Variants in PCMTD1 observed in about 807,000 individuals in gnomAD.
PCMTD1 encodes the protein protein-L-isoaspartate (D-aspartate) O-methyltransferase domain containing 1.
A neutral mutation model predicts 37.6 loss-of-function variants in PCMTD1; 12 were observed. The observed-to-expected ratio is 0.32, with a 90% CI of 0.20 to 0.52. The LOEUF (loss-of-function observed/expected upper bound fraction) is 0.52. Ranked by LOEUF, PCMTD1 falls within the 20% of genes least tolerant of loss-of-function variation. The pLI, the probability that PCMTD1 is intolerant of heterozygous loss-of-function variation, is 0.97. For synonymous variants in PCMTD1, 117 were observed against 135.8 expected (o/e 0.86, Z 0.96); for missense variants, 235 against 421.3 (o/e 0.56, Z 3.87).
At chr8:51,827,321 T>C (rs2037934896) in intron 5 of PCMTD1, 20 of 1,222,072 alleles carry the variant, frequency 1.6e-5, no homozygotes, top group Non-Finnish European at 2.0e-5. Context: ...TATGCACAGT[T>C]TCACTTTCCA....
chr8:51,877,614 G>A (rs902590401), intron 1 of PCMTD1, among the ~76,000 whole-genome samples: 2 of 152,040 alleles, frequency 1.3e-5, no homozygotes, highest in South Asian at 2.1e-4. Context: ...TAATTACATG[G>A]GGAGGAAAGT....
intron 1 of PCMTD1, among the ~76,000 whole-genome samples, chr8:51,873,672 C>T (rs921233438): frequency 6.6e-6 from 1 of 151,992 alleles, no homozygotes; most frequent in Non-Finnish European, 1.5e-5. Context: ...AGTTCTCCTG[C>T]GATACGGTAT....
chr8:51,822,488 GTACT>G (rs1283687180), intron 5 of PCMTD1, among the ~76,000 whole-genome samples: 2 of 152,140 alleles, frequency 1.3e-5, no homozygotes, highest in East Asian at 3.9e-4. Context: ...ATTTTAAAGT[GTACT>G]TACTTTGTGT....
intron 2 of PCMTD1, among the ~76,000 whole-genome samples, chr8:51,857,820 A>G (rs2038413630): frequency 1.3e-5 from 2 of 152,176 alleles, no homozygotes; most frequent in Admixed American, 1.3e-4. Flanking sequence ...CTTTAATCCT[A>G]AGAAATTTTC....
chr8:51,828,773 A>ACG (rs2037958432), intron 5 of PCMTD1, among the ~76,000 whole-genome samples: 1 of 152,206 alleles, frequency 6.6e-6, no homozygotes, highest in Non-Finnish European at 1.5e-5. Flanking sequence ...ATGCATACAC[A>ACG]GCCAAGTGAT....
intron 3 of PCMTD1, chr8:51,839,574 T>G: frequency 1.0e-6 from 1 of 985,380 alleles, no homozygotes; most frequent in Non-Finnish European, 1.2e-6. Flanking sequence ...TGCTAGGAGA[T>G]CAGGGTGACC....
intron 1 of PCMTD1, 48 bp downstream of exon 1, chr8:51,898,882 G>A: frequency 7.9e-7 from 1 of 1,267,918 alleles, no homozygotes; most frequent in Non-Finnish European, 9.9e-7. Flanking sequence ...CTAGCACGCG[G>A]GACTCGCACA....
chr8:51,843,643 T>C (rs1015143070), intron 3 of PCMTD1, among the ~76,000 whole-genome samples: 5 of 152,030 alleles, frequency 3.3e-5, no homozygotes, highest in Admixed American at 2.0e-4. Context: ...GAGATACTTA[T>C]ATAAGTGGTC....
intron 1 of PCMTD1, among the ~76,000 whole-genome samples, chr8:51,868,922 G>GT (rs2038599720): frequency 2.6e-5 from 4 of 152,070 alleles, no homozygotes; most frequent in Admixed American, 1.3e-4. Context: ...TATATACTTC[G>GT]TTTTTTTAAA....
intron 2 of PCMTD1, among the ~76,000 whole-genome samples, chr8:51,856,999 C>T (rs549409986): frequency 5.1e-4 from 77 of 152,134 alleles, no homozygotes; most frequent in African/African-American, 1.8e-3. Flanking sequence ...AGAGGCAGAG[C>T]GAGCAAGAGA....
intron 1 of PCMTD1, among the ~76,000 whole-genome samples, chr8:51,886,363 A>C (rs2038864698): frequency 6.6e-6 from 1 of 152,156 alleles, no homozygotes; most frequent in Admixed American, 6.5e-5. Context: ...GCTACTCTTT[A>C]ATTACTCCCA....
chr8:51,847,582 TTG>T (rs2038240683), intron 2 of PCMTD1, among the ~76,000 whole-genome samples: 1 of 151,988 alleles, frequency 6.6e-6, no homozygotes, highest in African/African-American at 2.4e-5. Context: ...AGCCAAGATC[TTG>T]CCATTGCACT....
At chr8:51,855,915 G>A (rs555795043) in intron 2 of PCMTD1, among the ~76,000 whole-genome samples, 8 of 152,096 alleles carry the variant, frequency 5.3e-5, no homozygotes, top group African/African-American at 1.7e-4. Flanking sequence ...TGATCCACCC[G>A]CCTTGGCCTC....
intron 1 of PCMTD1, among the ~76,000 whole-genome samples, chr8:51,886,961 CTTT>C (rs11444689): frequency 6.8e-6 from 1 of 147,602 alleles, no homozygotes; most frequent in Non-Finnish European, 1.5e-5. Context: ...TGTCCATCTG[CTTT>C]TTTTTTTTCT....
chr8:51,858,391 TG>T (rs2038422656), intron 2 of PCMTD1, among the ~76,000 whole-genome samples: 1 of 152,250 alleles, frequency 6.6e-6, no homozygotes, highest in African/African-American at 2.4e-5. Flanking sequence ...TATAGTTTTT[TG>T]TTTTTAATAA....
intron 2 of PCMTD1, among the ~76,000 whole-genome samples, chr8:51,856,320 C>T (rs530214404): frequency 9.9e-5 from 15 of 152,254 alleles, no homozygotes; most frequent in African/African-American, 3.4e-4. Context: ...TGAAATACTA[C>T]TTTATATCCA....
At chr8:51,865,571 A>ATT (rs2038542751) in intron 1 of PCMTD1, among the ~76,000 whole-genome samples, 1 of 152,138 alleles carries the variant, frequency 6.6e-6, no homozygotes, top group South Asian at 2.1e-4. Flanking sequence ...ATGAGGACAA[A>ATT]AACCCTATGA....
intron 1 of PCMTD1, among the ~76,000 whole-genome samples, chr8:51,879,667 G>A (rs1396602596): frequency 6.6e-6 from 1 of 152,090 alleles, no homozygotes; most frequent in Non-Finnish European, 1.5e-5. Context: ...AAAAAAGTGA[G>A]ACAACTATGT....
rs1359838436 is a variant in PCMTD1, at chr8:51,825,628, A to C, written c.707-4910T>G. Among the ~76,000 whole-genome samples the C allele has an allele frequency of 6.9e-5, 2 of 29,032 alleles. 1 individual carries two copies. The highest frequency in any genetic ancestry group is 9.4e-4 in the Non-Finnish European group (2 of 2,132). 19.0% of individuals were successfully genotyped at this position (29,032 alleles called of 152,430 possible). ...AGAATGGCGTGAACCCAGGAAGCGG[A>C]GCTTGCAGTGAGCCGAGATTGCGCC... On this transcript the variant is annotated intron_variant, in intron 5 of 5. Transcript: ENST00000522514.
Sources: gnomAD v4.1 joint callset for allele counts (sites outside exome capture counted in the v4.1 genomes callset) on GRCh38, gnomAD v4.1.1 for gene constraint, MANE v1.5 for transcripts, NCBI Gene and HGNC (gene_info 2026-07-23, HGNC 2026-07-21) for gene names.